The following ZNF804B variants were observed in gnomAD, a reference collection of about 807,000 sequenced individuals.
ZNF804B encodes the protein zinc finger 804B.
Under a neutral mutation model 101.4 loss-of-function variants are expected in ZNF804B, and 80 were observed. The observed-to-expected ratio is 0.79, with a 90% CI of 0.66 to 0.95. The LOEUF is 0.95. Among genes scored for constraint, ZNF804B ranks in the 40% least tolerant of loss-of-function variants. The pLI, the probability that ZNF804B is intolerant of heterozygous loss-of-function variation, is 0.00. For synonymous variants in ZNF804B, 622 were observed against 558.8 expected (o/e 1.11, Z -1.59); for missense variants, 1,673 against 1,561.9 (o/e 1.07, Z -1.20).
intron 2 of ZNF804B, among the ~76,000 whole-genome samples, chr7:89,266,324 T>C (rs1396174136): frequency 6.6e-6 from 1 of 152,114 alleles, no homozygotes; most frequent in Non-Finnish European, 1.5e-5. Context: ...ATGATAAAGG[T>C]CATATTTGCA....
chr7:88,909,801 T>G lies in ZNF804B; in HGVS notation c.108+149717T>G, dbSNP rs544705953. 5.3e-5 allele frequency among the ~76,000 whole-genome samples: 8 copies of G among 151,906 alleles called. 1 individual carries two copies. The highest frequency in any genetic ancestry group is 5.3e-4 in the Admixed American group (8 of 15,226). On this transcript the variant is annotated intron_variant, in intron 1 of 3. Transcript: ENST00000333190. Reference sequence around the variant, plus strand: ...TTACTTCCTTAGCAATCAGTTTGTCTTGATTGCTATTTACTTCCTGACTTC... The same window carrying G: ...TTACTTCCTTAGCAATCAGTTTGTCGTGATTGCTATTTACTTCCTGACTTC...
chr7:88,984,774 A>G (rs1793737308), intron 1 of ZNF804B, among the ~76,000 whole-genome samples: 1 of 152,054 alleles, frequency 6.6e-6, no homozygotes, highest in Non-Finnish European at 1.5e-5. Flanking sequence ...GTTTCTTTTT[A>G]AACTTCTAAT....
intron 2 of ZNF804B, among the ~76,000 whole-genome samples, chr7:89,225,790 G>C (rs1789080219): frequency 6.6e-6 from 1 of 151,970 alleles, no homozygotes. Flanking sequence ...AGTATGTTCA[G>C]ACTTGACTTT....
chr7:88,952,260 C>T (rs941935195), intron 1 of ZNF804B, among the ~76,000 whole-genome samples: 2 of 151,730 alleles, frequency 1.3e-5, no homozygotes, highest in Non-Finnish European at 2.9e-5. Flanking sequence ...CATTAATATG[C>T]ATGCATTCTC....
chr7:89,277,088 T>G (rs1322979479), intron 2 of ZNF804B, among the ~76,000 whole-genome samples: 2 of 149,328 alleles, frequency 1.3e-5, no homozygotes, highest in Non-Finnish European at 3.0e-5. Flanking sequence ...TTTCAGTTTA[T>G]TATGTATACA....
At chr7:88,817,406 A>T (rs565720531) in intron 1 of ZNF804B, among the ~76,000 whole-genome samples, 1 of 151,216 alleles carries the variant, frequency 6.6e-6, no homozygotes, top group Non-Finnish European at 1.5e-5. Flanking sequence ...AAATTCCACC[A>T]TCCCTTAAAA....
chr7:89,260,991 C>A (rs1789704763), intron 2 of ZNF804B, among the ~76,000 whole-genome samples: 1 of 151,932 alleles, frequency 6.6e-6, no homozygotes, highest in Non-Finnish European at 1.5e-5. Context: ...GATAGTTTAC[C>A]TTTTACTGCT....
chr7:89,263,602 TA>T (rs1319813860), intron 2 of ZNF804B, among the ~76,000 whole-genome samples: 1 of 150,160 alleles, frequency 6.7e-6, no homozygotes, highest in East Asian at 1.9e-4. Flanking sequence ...TTTTTTTTTT[TA>T]AGGTGACTTA....
intron 1 of ZNF804B, among the ~76,000 whole-genome samples, chr7:88,791,994 A>G (rs1790388953): frequency 6.6e-6 from 1 of 152,006 alleles, no homozygotes; most frequent in Non-Finnish European, 1.5e-5. Flanking sequence ...TCACATGTCT[A>G]GTGGATGATA....
At chr7:89,012,455 A>T (rs1788480088) in intron 1 of ZNF804B, among the ~76,000 whole-genome samples, 1 of 152,146 alleles carries the variant, frequency 6.6e-6, no homozygotes, top group Non-Finnish European at 1.5e-5. Context: ...CCAAAGTTTT[A>T]TGCTCTGCTT....
intron 1 of ZNF804B, among the ~76,000 whole-genome samples, chr7:88,780,713 T>A (rs760819879): frequency 1.1e-4 from 16 of 152,068 alleles, no homozygotes; most frequent in Non-Finnish European, 2.9e-5. Context: ...AATTGACAAT[T>A]ACAAAAAACT....
chr7:89,259,080 G>T (rs1458851746), intron 2 of ZNF804B, among the ~76,000 whole-genome samples: 1 of 152,054 alleles, frequency 6.6e-6, no homozygotes, highest in Non-Finnish European at 1.5e-5. Flanking sequence ...CATAAGATAA[G>T]TCAAAAGTAG....
intron 2 of ZNF804B, among the ~76,000 whole-genome samples, chr7:89,224,759 T>TGTGTGA (rs1789059718): frequency 7.3e-5 from 3 of 40,886 alleles, no homozygotes; most frequent in African/African-American, 1.2e-4. Flanking sequence ...TGTATGAGTG[T>TGTGTGA]GTGTGTGTGT....
intron 1 of ZNF804B, chr7:88,794,208 C>G (rs1415558940): frequency 2.5e-6 from 4 of 1,611,278 alleles, no homozygotes; most frequent in African/African-American, 2.7e-5. Context: ...CAGGCCATAC[C>G]ACCTCAGAAT....
intron 1 of ZNF804B, among the ~76,000 whole-genome samples, chr7:89,091,286 C>T (rs909240448): frequency 1.1e-4 from 16 of 150,966 alleles, no homozygotes; most frequent in African/African-American, 1.7e-4. Context: ...GTAAATCACA[C>T]ATCATTTTAA....
At chr7:89,323,957 G>C (rs1436815659) in intron 2 of ZNF804B, among the ~76,000 whole-genome samples, 1 of 151,944 alleles carries the variant, frequency 6.6e-6, no homozygotes, top group Non-Finnish European at 1.5e-5. Flanking sequence ...TCAGAACAAG[G>C]GGAGAAAAAT....
intron 1 of ZNF804B, among the ~76,000 whole-genome samples, chr7:89,171,720 C>A: frequency 6.6e-6 from 1 of 152,090 alleles, no homozygotes. Flanking sequence ...CAGGTGTGAT[C>A]CCCATGTGTG....
chr7:88,912,934 G>T (rs1478711907), intron 1 of ZNF804B, among the ~76,000 whole-genome samples: 1 of 152,106 alleles, frequency 6.6e-6, no homozygotes, highest in Non-Finnish European at 1.5e-5. Context: ...AACTAGAAAA[G>T]GAAAGAGTAG....
intron 1 of ZNF804B, among the ~76,000 whole-genome samples, chr7:88,986,382 T>A (rs1793760012): frequency 6.6e-6 from 1 of 152,132 alleles, no homozygotes; most frequent in Admixed American, 6.6e-5. Context: ...TTTTGCTGTT[T>A]AGTTTTTTAT....
Sources: gnomAD v4.1 joint callset for allele counts (sites outside exome capture counted in the v4.1 genomes callset) on GRCh38, gnomAD v4.1.1 for gene constraint, MANE v1.5 for transcripts, NCBI Gene and HGNC (gene_info 2026-07-23, HGNC 2026-07-21) for gene names.